The following NTRK3 variants were observed in gnomAD, a reference collection of about 807,000 sequenced individuals.
NTRK3 encodes neurotrophic receptor tyrosine kinase 3.
A neutral mutation model predicts 91.7 loss-of-function variants in NTRK3; 24 were observed. The observed-to-expected ratio is 0.26, with a 90% CI of 0.19 to 0.37. The LOEUF (loss-of-function observed/expected upper bound fraction) is 0.37, where lower values mean the gene tolerates loss of function less well. Ranked by LOEUF, NTRK3 falls within the 10% of genes least tolerant of loss-of-function variation. NTRK3 has a pLI of 1.00. For missense variants in NTRK3, 880 were observed against 1,068.9 expected (o/e 0.82, Z 2.46); for synonymous variants, 483 against 404.0 (o/e 1.20, Z -2.34).
chr15:88,034,048 T>C (rs62019259), intron 13 of NTRK3, among the ~76,000 whole-genome samples: 4,748 of 152,192 alleles, frequency 0.031, 117 homozygotes, highest in South Asian at 0.052. Context: ...CTCTGATGAG[T>C]GGCTCAAAGA....
At chr15:88,056,081 C>T (rs1051019643) in intron 13 of NTRK3, among the ~76,000 whole-genome samples, 5 of 151,444 alleles carry the variant, frequency 3.3e-5, no homozygotes, top group Admixed American at 2.6e-4. Context: ...GCATGGCAGG[C>T]CCCTGGGTTC....
intron 14 of NTRK3, among the ~76,000 whole-genome samples, chr15:88,031,259 G>A (rs1297477826): frequency 7.9e-5 from 12 of 152,180 alleles, no homozygotes; most frequent in South Asian, 4.1e-4. Flanking sequence ...TGTTCACGGC[G>A]ACTTCACAGA....
intron 14 of NTRK3, among the ~76,000 whole-genome samples, chr15:88,005,083 G>C (rs1215945920): frequency 6.6e-6 from 1 of 152,150 alleles, no homozygotes; most frequent in East Asian, 1.9e-4. Context: ...TTACTCCAAA[G>C]GTTTTCACCT....
chr15:88,178,235 T>A (rs1186175437), intron 5 of NTRK3, among the ~76,000 whole-genome samples: 1 of 152,228 alleles, frequency 6.6e-6, no homozygotes, highest in Non-Finnish European at 1.5e-5. Context: ...CTACATGTCA[T>A]CTTGAAACTC....
chr15:88,225,778 G>A (rs181141213), intron 3 of NTRK3, among the ~76,000 whole-genome samples: 57 of 152,272 alleles, frequency 3.7e-4, no homozygotes, highest in African/African-American at 1.1e-3. Context: ...CGACAGCCCC[G>A]TACACCACAC....
chr15:88,105,870 C>T (rs947041882), intron 13 of NTRK3, among the ~76,000 whole-genome samples: 5 of 152,138 alleles, frequency 3.3e-5, no homozygotes, highest in Non-Finnish European at 7.3e-5. Flanking sequence ...CACGTGAGCA[C>T]CATTCACGTT....
chr15:88,201,720 G>T (rs1475183853), intron 3 of NTRK3, among the ~76,000 whole-genome samples: 1 of 152,162 alleles, frequency 6.6e-6, no homozygotes, highest in Non-Finnish European at 1.5e-5. Flanking sequence ...CCTGCCTGCA[G>T]ATGTCTTGGG....
intron 17 of NTRK3, among the ~76,000 whole-genome samples, chr15:87,896,548 A>G (rs2066137486): frequency 6.6e-6 from 1 of 151,934 alleles, no homozygotes; most frequent in African/African-American, 2.4e-5. Flanking sequence ...GACTCCATTC[A>G]TCGACAGTTC....
intron 18 of NTRK3, among the ~76,000 whole-genome samples, chr15:87,878,907 GT>G (rs2065084451): frequency 2.2e-4 from 1 of 4,640 alleles, no homozygotes; most frequent in Non-Finnish European, 5.4e-4. Context: ...TGCATGCATG[GT>G]GTGTGTGTGT....
At chr15:88,085,899 G>A (rs2048455885) in intron 13 of NTRK3, among the ~76,000 whole-genome samples, 1 of 152,188 alleles carries the variant, frequency 6.6e-6, no homozygotes, top group South Asian at 2.1e-4. Context: ...AGGGCCTTGA[G>A]GAGCTAATAG....
At chr15:88,140,187 C>T (rs1597546273) in intron 6 of NTRK3, among the ~76,000 whole-genome samples, 1 of 152,186 alleles carries the variant, frequency 6.6e-6, no homozygotes, top group South Asian at 2.1e-4. Context: ...ACAAAGAGGT[C>T]TGTAAAAAGA....
At chr15:88,121,725 T>A in intron 13 of NTRK3, among the ~76,000 whole-genome samples, 1 of 152,212 alleles carries the variant, frequency 6.6e-6, no homozygotes, top group East Asian at 1.9e-4. Context: ...AGTGGGGACC[T>A]CCAGGGCCCT....
At chr15:88,045,806 T>C (rs1009442220) in intron 13 of NTRK3, among the ~76,000 whole-genome samples, 3 of 152,238 alleles carry the variant, frequency 2.0e-5, no homozygotes, top group Non-Finnish European at 4.4e-5. Flanking sequence ...CCTTCTCCGC[T>C]CATCGCATGG....
exon 9 of NTRK3, chr15:88,135,913 G>T (rs1187821886): frequency 6.2e-7 from 1 of 1,614,032 alleles, no homozygotes; most frequent in East Asian, 2.2e-5. Flanking sequence ...GACAGTGAGG[G>T]CAACACTGGC....
chr15:87,879,909 G>A (rs916194375), intron 18 of NTRK3, among the ~76,000 whole-genome samples: 1 of 152,068 alleles, frequency 6.6e-6, no homozygotes, highest in Non-Finnish European at 1.5e-5. Flanking sequence ...AGATTATGTG[G>A]GCATACTAAG....
At chr15:88,166,399 T>C (rs1206672772) in intron 5 of NTRK3, among the ~76,000 whole-genome samples, 1 of 152,162 alleles carries the variant, frequency 6.6e-6, no homozygotes, top group Non-Finnish European at 1.5e-5. Context: ...GCCAAGGCAG[T>C]GGCATTCGCT....
chr15:87,868,930 C>G (rs1401971171), exon 19 of NTRK3: 1 of 226,666 alleles, frequency 4.4e-6, no homozygotes, highest in Non-Finnish European at 8.8e-6. Context: ...GGCCTAGACG[C>G]AGTCATGACC....
chr15:87,952,225 GAAAGA>G (rs144541362), intron 14 of NTRK3, among the ~76,000 whole-genome samples: 5,385 of 148,672 alleles, frequency 0.036, 336 homozygotes, highest in African/African-American at 0.12. Context: ...AAAGAAAAGA[GAAAGA>G]AAAGAAAAGA....
intron 13 of NTRK3, among the ~76,000 whole-genome samples, chr15:88,057,341 AC>A (rs2045805683): frequency 6.8e-6 from 1 of 148,026 alleles, no homozygotes; most frequent in Non-Finnish European, 1.5e-5. Flanking sequence ...CACTAAAAAT[AC>A]AAAAAATTAG....
Sources: gnomAD v4.1 joint callset for allele counts (sites outside exome capture counted in the v4.1 genomes callset) on GRCh38, gnomAD v4.1.1 for gene constraint, MANE v1.5 for transcripts, NCBI Gene and HGNC (gene_info 2026-07-23, HGNC 2026-07-21) for gene names.